The following UTRN variants were observed in gnomAD, a reference collection of about 807,000 sequenced individuals.
UTRN encodes the protein utrophin.
UTRN carries 283 observed loss-of-function variants against 463.9 expected under a neutral mutation model. That is an observed-to-expected ratio of 0.61 (90% CI 0.55 to 0.67). UTRN has a LOEUF of 0.67. Ranked by LOEUF, UTRN falls within the 30% of genes least tolerant of loss-of-function variation. The probability of loss-of-function intolerance (pLI) is 0.00; values close to 1 mark genes in which losing one functional copy is unlikely to be tolerated. For synonymous variants in UTRN, 1,442 were observed against 1,431.5 expected (o/e 1.01, Z -0.17); for missense variants, 3,922 against 4,084.3 (o/e 0.96, Z 1.08).
At chr6:144,366,046 T>C (rs1779478849) in intron 2 of UTRN, among the ~76,000 whole-genome samples, 1 of 152,220 alleles carries the variant, frequency 6.6e-6, no homozygotes, top group Non-Finnish European at 1.5e-5. Context: ...CCTGGGAATT[T>C]ATTTTCATTA....
At chr6:144,374,431 C>G (rs1780265479) in intron 2 of UTRN, among the ~76,000 whole-genome samples, 1 of 151,694 alleles carries the variant, frequency 6.6e-6, no homozygotes, top group Admixed American at 6.6e-5. Flanking sequence ...AACTTGAGGT[C>G]AGGAGTTTGA....
At chr6:144,412,398 A>T (rs1478409601) in intron 3 of UTRN, among the ~76,000 whole-genome samples, 1 of 152,148 alleles carries the variant, frequency 6.6e-6, no homozygotes, top group African/African-American at 2.4e-5. Context: ...GTGCTTACTG[A>T]TGCATTATTG....
At position 144,308,909 on chromosome 6, in the gene UTRN, G is replaced by A. The variant is rs564495039; in HGVS notation, c.79+17002G>A. Among the ~76,000 whole-genome samples the A allele has an allele frequency of 2.6e-5, 4 of 152,266 alleles. 1 individual carries two copies. The highest frequency in any genetic ancestry group is 2.1e-4 in the South Asian group (1 of 4,828). ...TGAAAGAGCTCCTCAAAGATTGTAT[G>A]TACCAACATTTGCAGTTCGTCTCCT... On this transcript the variant is annotated intron_variant, in intron 2 of 74. Coordinates refer to ENST00000367545, the MANE Select transcript of UTRN (RefSeq NM_007124.3).
At chr6:144,694,748 C>A (rs1002112640) in intron 52 of UTRN, among the ~76,000 whole-genome samples, 3 of 151,974 alleles carry the variant, frequency 2.0e-5, no homozygotes, top group African/African-American at 4.8e-5. Flanking sequence ...CTTGTCATTT[C>A]TGATTGCATT....
At chr6:144,697,371 G>A (rs76347488) in intron 52 of UTRN, among the ~76,000 whole-genome samples, 523 of 152,210 alleles carry the variant, frequency 3.4e-3, no homozygotes, top group Non-Finnish European at 5.6e-3. Flanking sequence ...GTTTTAAAAT[G>A]CTTATAGGAT....
chr6:144,513,398 A>T (rs1478492416), intron 35 of UTRN, among the ~76,000 whole-genome samples: 1 of 152,042 alleles, frequency 6.6e-6, no homozygotes, highest in Admixed American at 6.6e-5. Context: ...AAAAATACAA[A>T]AATTAGCTGG....
intron 53 of UTRN, among the ~76,000 whole-genome samples, chr6:144,728,721 A>G (rs375549721): frequency 1.3e-5 from 2 of 151,966 alleles, no homozygotes; most frequent in Non-Finnish European, 2.9e-5. Flanking sequence ...AGAAAGTTTT[A>G]TTTTATCCTA....
intron 2 of UTRN, among the ~76,000 whole-genome samples, chr6:144,395,155 TA>T (rs1316507320): frequency 6.6e-6 from 1 of 152,112 alleles, no homozygotes; most frequent in Non-Finnish European, 1.5e-5. Context: ...TGTCAATCAA[TA>T]AAAAAATGTT....
At chr6:144,704,283 A>G (rs1784863034) in intron 53 of UTRN, among the ~76,000 whole-genome samples, 1 of 152,146 alleles carries the variant, frequency 6.6e-6, no homozygotes, top group East Asian at 1.9e-4. Flanking sequence ...TTTTCACCCT[A>G]TCTTTTTCTT....
intron 55 of UTRN, 152 bp downstream of exon 55, chr6:144,748,666 T>C: frequency 9.8e-7 from 1 of 1,016,674 alleles, no homozygotes; most frequent in South Asian, 1.8e-5. Flanking sequence ...GGACAGGTGC[T>C]TTCCATATGA....
At position 144,491,036 on chromosome 6, in the gene UTRN, A is replaced by T; in HGVS notation, c.4371A>T (p.Glu1457Asp). The change falls in exon 32 of 75, where the codon GAA (glutamate) becomes GAT (aspartate). Residue 1457 changes from glutamate to aspartate, a missense_variant. Transcript: ENST00000367545. ...CKRVLDGVKA[E>D]LHVLDVKDVD... ...GTGTGCTGGATGGCGTGAAAGCAGAACTTCACGTTCTGGATGTGAAGGACG... is the reference window on the plus strand; with the variant it reads ...GTGTGCTGGATGGCGTGAAAGCAGATCTTCACGTTCTGGATGTGAAGGACG... 1 of 1,614,032 alleles carries T rather than the reference A, an allele frequency of 6.2e-7. No individual in the cohort carries two copies. The highest frequency in any genetic ancestry group is 1.3e-5 in the African/African-American group (1 of 75,042).
chr6:144,848,331 C>G (rs1448361123), intron 74 of UTRN, among the ~76,000 whole-genome samples: 1 of 152,176 alleles, frequency 6.6e-6, no homozygotes, highest in Admixed American at 6.5e-5. Context: ...TATTCACGTT[C>G]ATGAGCACAG....
At chr6:144,414,412 G>A (rs1287069333) in intron 3 of UTRN, among the ~76,000 whole-genome samples, 2 of 152,106 alleles carry the variant, frequency 1.3e-5, no homozygotes, top group East Asian at 3.8e-4. Context: ...GTAGAATAAG[G>A]ACAAAATGAA....
chr6:144,516,734 C>T, intron 38 of UTRN, 77 bp from the exon 39 acceptor site: 1 of 1,235,740 alleles, frequency 8.1e-7, no homozygotes, highest in African/African-American at 1.6e-5. Flanking sequence ...GGTTAGTTTT[C>T]CTCCTTAGGA....
At chr6:144,300,424 A>G (rs1474182219) in intron 2 of UTRN, among the ~76,000 whole-genome samples, 1 of 152,208 alleles carries the variant, frequency 6.6e-6, no homozygotes, top group Admixed American at 6.5e-5. Context: ...TAACCAAACC[A>G]AATCAAGTCA....
At position 144,491,045 on chromosome 6, in the gene UTRN, T is replaced by C. The variant is rs1456577101; in HGVS notation, c.4380T>C (p.Val1460=). The change falls in exon 32 of 75, where the codon GTT becomes GTC. Residue 1460 remains valine (V), a synonymous_variant. Coordinates refer to ENST00000367545, the MANE Select transcript of UTRN (RefSeq NM_007124.3). ...VLDGVKAELH[V]LDVKDVDPDV... The stretch of plus-strand genomic sequence containing the variant: ...ATGGCGTGAAAGCAGAACTTCACGT[T>C]CTGGATGTGAAGGACGTAGACCCTG... The C allele has an allele frequency of 1.9e-6, 3 of 1,613,896 alleles. No individual in the cohort carries two copies. In the African/African-American group the frequency reaches 4.0e-5, roughly 22 times the overall value.
At chr6:144,340,840 G>GC (rs980178886) in intron 2 of UTRN, among the ~76,000 whole-genome samples, 3 of 152,152 alleles carry the variant, frequency 2.0e-5, no homozygotes, top group African/African-American at 7.2e-5. Context: ...TTTCAAAAGC[G>GC]CCCCCCTATT....
intron 39 of UTRN, among the ~76,000 whole-genome samples, chr6:144,521,562 A>G (rs1390907661): frequency 5.3e-5 from 8 of 152,160 alleles, no homozygotes; most frequent in Admixed American, 1.3e-4. Flanking sequence ...ATTTTTAGCA[A>G]TGAGGTCCAA....
intron 3 of UTRN, 34 bp downstream of exon 3, chr6:144,403,218 G>T: frequency 6.3e-7 from 1 of 1,590,396 alleles, no homozygotes; most frequent in Non-Finnish European, 8.6e-7. Flanking sequence ...CGATGGTTCA[G>T]ATGCCGCATT....
Sources: allele counts gnomAD v4.1 joint callset (sites outside exome capture counted in the v4.1 genomes callset), GRCh38; gene constraint gnomAD v4.1.1; transcripts MANE v1.5; gene names NCBI Gene and HGNC (gene_info 2026-07-23, HGNC 2026-07-21).